FOXP2: variants seen among roughly 807,000 people sequenced by gnomAD.
The protein encoded by FOXP2 is forkhead box protein P2.
Under a neutral mutation model 115.8 loss-of-function variants are expected in FOXP2, and 12 were observed. The ratio of observed to expected loss-of-function variants is 0.10; its 90% CI spans 0.07 to 0.17. The LOEUF (loss-of-function observed/expected upper bound fraction) is 0.17, where lower values mean the gene tolerates loss of function less well. Among genes scored for constraint, FOXP2 ranks in the 10% least tolerant of loss-of-function variants. The pLI is 1.00. For synonymous variants in FOXP2, 328 were observed against 297.7 expected (o/e 1.10, Z -1.05); for missense variants, 629 against 843.5 (o/e 0.75, Z 3.15).
intron 2 of FOXP2, among the ~76,000 whole-genome samples, chr7:114,527,551 T>A (rs946175555): frequency 2.0e-5 from 3 of 152,138 alleles, no homozygotes; most frequent in Non-Finnish European, 4.4e-5. Flanking sequence ...TTCACCTATG[T>A]CTTACTTTTG....
At chr7:114,353,618 A>G (rs532037900) in intron 2 of FOXP2, among the ~76,000 whole-genome samples, 2 of 152,090 alleles carry the variant, frequency 1.3e-5, no homozygotes, top group South Asian at 4.2e-4. Flanking sequence ...CTCTAATAGC[A>G]CTTTACTTCC....
At chr7:114,676,075 ATTTTTTTTTTTTTTT>A (rs11327459) in intron 16 of FOXP2, among the ~76,000 whole-genome samples, 1 of 89,564 alleles carries the variant, frequency 1.1e-5, no homozygotes, top group East Asian at 4.0e-4. Flanking sequence ...AGGCCCGGCT[ATTTTTTTTTTTTTTT>A]TTTTTTTTTT....
Position 114,613,500 on chromosome 7 carries a change from C to T in FOXP2, c.259-15040C>T, listed in dbSNP as rs182083102. 9.5e-4 allele frequency among the ~76,000 whole-genome samples: 145 copies of T among 151,870 alleles called. 2 individuals carry two copies. The East Asian group carries it at 0.025, about 26-fold the overall frequency. On this transcript the variant is annotated intron_variant, in intron 3 of 16. Coordinates refer to ENST00000350908, the MANE Select transcript of FOXP2 (RefSeq NM_014491.4). Reference sequence around the variant, plus strand: ...ACCATCCTGGCTAACAAAGTGAAACCCCGTCTCTACTAAAAATACAAAAAA... The same window carrying T: ...ACCATCCTGGCTAACAAAGTGAAACTCCGTCTCTACTAAAAATACAAAAAA...
intron 2 of FOXP2, among the ~76,000 whole-genome samples, chr7:114,305,474 G>A (rs1161285873): frequency 1.3e-5 from 2 of 152,096 alleles, no homozygotes; most frequent in African/African-American, 2.4e-5. Flanking sequence ...GAAATACAGA[G>A]GTAGAGTTCT....
intron 1 of FOXP2, among the ~76,000 whole-genome samples, chr7:114,181,641 C>A (rs1276148308): frequency 6.6e-6 from 1 of 151,936 alleles, no homozygotes; most frequent in African/African-American, 2.4e-5. Flanking sequence ...AGTGATACAG[C>A]CAAAATTTGA....
chr7:114,266,187 T>C (rs1162606590), intron 1 of FOXP2, among the ~76,000 whole-genome samples: 2 of 152,130 alleles, frequency 1.3e-5, no homozygotes, highest in Non-Finnish European at 2.9e-5. Flanking sequence ...TTTCCCCTCA[T>C]CTTCCTGTTT....
At chr7:114,273,602 T>C (rs1214045233) in intron 1 of FOXP2, among the ~76,000 whole-genome samples, 2 of 152,084 alleles carry the variant, frequency 1.3e-5, no homozygotes, top group Admixed American at 1.3e-4. Context: ...ATTTATCAAT[T>C]TCCACCCCCA....
chr7:114,098,206 G>A (rs920198696), intron 1 of FOXP2, among the ~76,000 whole-genome samples: 7 of 152,140 alleles, frequency 4.6e-5, no homozygotes, highest in African/African-American at 1.4e-4. Context: ...TGTTTTTTTA[G>A]GGACAGTTGT....
chr7:114,305,561 TA>T (rs1796993499), intron 2 of FOXP2, among the ~76,000 whole-genome samples: 1 of 152,290 alleles, frequency 6.6e-6, no homozygotes, highest in Non-Finnish European at 1.5e-5. Context: ...ACAACGCCTG[TA>T]AAATTATTCT....
chr7:114,113,853 G>A (rs1364802866), intron 1 of FOXP2, among the ~76,000 whole-genome samples: 1 of 151,954 alleles, frequency 6.6e-6, no homozygotes, highest in Non-Finnish European at 1.5e-5. Context: ...AGCCCAACAT[G>A]ATTATTTTTG....
chr7:114,201,313 A>T (rs1043973310), intron 1 of FOXP2, among the ~76,000 whole-genome samples: 4 of 151,838 alleles, frequency 2.6e-5, no homozygotes, highest in Admixed American at 2.6e-4. Flanking sequence ...TCTACAAAAA[A>T]CGAAAAATTA....
intron 1 of FOXP2, among the ~76,000 whole-genome samples, chr7:114,215,778 A>C (rs958357343): frequency 1.3e-5 from 2 of 152,162 alleles, no homozygotes; most frequent in Non-Finnish European, 2.9e-5. Flanking sequence ...AAATCTATAT[A>C]GATTTCTACC....
chr7:114,239,221 T>C (rs1175446676), intron 1 of FOXP2, among the ~76,000 whole-genome samples: 7 of 152,116 alleles, frequency 4.6e-5, no homozygotes, highest in East Asian at 3.9e-4. Context: ...CTATATTTTT[T>C]TGGAATTCCT....
rs184147764 is a variant in FOXP2 at position 114,328,822 on chromosome 7, T to C, written c.-11+40713T>C. ...ATTTTTGATGGGGTATCAAAAGGAA[T>C]AGCCTCATATAGAAGAAAATAGCAT... On this transcript the variant is annotated intron_variant, in intron 2 of 17. Transcript: ENST00000634411. 2.8e-3 allele frequency among the ~76,000 whole-genome samples: 430 copies of C among 152,300 alleles called. 2 individuals are homozygous for C. The highest frequency in any genetic ancestry group is 9.5e-3 in the African/African-American group (395 of 41,562).
At chr7:114,428,798 C>T (rs767902437) in intron 2 of FOXP2, among the ~76,000 whole-genome samples, 11 of 151,190 alleles carry the variant, frequency 7.3e-5, no homozygotes, top group Non-Finnish European at 1.5e-4. Context: ...TTCTAACATT[C>T]GCTATATTTC....
intron 8 of FOXP2, among the ~76,000 whole-genome samples, chr7:114,651,089 T>A (rs1806225627): frequency 6.6e-6 from 1 of 152,114 alleles, no homozygotes; most frequent in African/African-American, 2.4e-5. Context: ...AGTAAATAAT[T>A]TGAATGGATA....
intron 3 of FOXP2, among the ~76,000 whole-genome samples, chr7:114,617,520 G>A (rs972003422): frequency 2.0e-5 from 3 of 152,132 alleles, no homozygotes; most frequent in Admixed American, 6.6e-5. Flanking sequence ...TTGGCTGGGC[G>A]AGGCGGCTCA....
chr7:114,358,517 A>T (rs560048110), intron 2 of FOXP2, among the ~76,000 whole-genome samples: 22 of 152,050 alleles, frequency 1.4e-4, no homozygotes, highest in Non-Finnish European at 2.9e-4. Context: ...TTTCCTAGAG[A>T]CTTGGAGGGC....
intron 1 of FOXP2, among the ~76,000 whole-genome samples, chr7:114,417,289 G>A (rs1249381672): frequency 6.6e-6 from 1 of 151,866 alleles, no homozygotes; most frequent in Non-Finnish European, 1.5e-5. Context: ...TTAAATTTCA[G>A]CATACAAATC....
Sources: gnomAD v4.1 joint callset for allele counts (sites outside exome capture counted in the v4.1 genomes callset) on GRCh38, gnomAD v4.1.1 for gene constraint, MANE v1.5 for transcripts, NCBI Gene and HGNC (gene_info 2026-07-23, HGNC 2026-07-21) for gene names.